PDE4D: variants seen among roughly 807,000 people sequenced by gnomAD.
The protein encoded by PDE4D is phosphodiesterase 4D, also known as 3',5'-cyclic-AMP phosphodiesterase 4D.
In PDE4D, 24 loss-of-function variants were observed where a neutral mutation model predicts 87.4. The observed-to-expected ratio is 0.27, with a 90% confidence interval of 0.20 to 0.39. The LOEUF (loss-of-function observed/expected upper bound fraction) is 0.39. Ranked by LOEUF, PDE4D falls within the 10% of genes least tolerant of loss-of-function variation. The pLI is 1.00. For missense variants in PDE4D, 714 were observed against 1,041.0 expected, an observed-to-expected ratio of 0.69 and a Z score of 4.32; for synonymous variants, 384 against 383.2, an observed-to-expected ratio of 1.00 and a Z score of -0.02.
At chr5:60,438,106 C>T (rs542446334) in intron 1 of PDE4D, among the ~76,000 whole-genome samples, 159 of 152,174 alleles carry the variant, frequency 1.0e-3, no homozygotes, top group Non-Finnish European at 2.0e-3. Context: ...AGATAGCATT[C>T]GTCTGTTCTG....
At chr5:60,495,924 T>C (rs568989060) in intron 1 of PDE4D, among the ~76,000 whole-genome samples, 1 of 152,328 alleles carries the variant, frequency 6.6e-6, no homozygotes, top group East Asian at 1.9e-4. Flanking sequence ...GCCTCAGACA[T>C]GGAAAGCAAA....
intron 5 of PDE4D, among the ~76,000 whole-genome samples, chr5:59,177,760 G>A (rs1784126367): frequency 6.6e-6 from 1 of 152,126 alleles, no homozygotes. Context: ...TAACTGTTAG[G>A]CTACACTGTT....
At chr5:60,132,385 G>A (rs1222832571) in intron 2 of PDE4D, among the ~76,000 whole-genome samples, 1 of 152,032 alleles carries the variant, frequency 6.6e-6, no homozygotes, top group African/African-American at 2.4e-5. Context: ...ATTCATTTAT[G>A]TATTACCGTA....
intron 1 of PDE4D, among the ~76,000 whole-genome samples, chr5:60,466,157 T>A (rs923536291): frequency 6.6e-6 from 1 of 152,156 alleles, no homozygotes; most frequent in Non-Finnish European, 1.5e-5. Context: ...CCAAAATGCA[T>A]CTACTAGGTT....
At chr5:59,575,275 T>C (rs1157159026) in intron 1 of PDE4D, among the ~76,000 whole-genome samples, 2 of 152,120 alleles carry the variant, frequency 1.3e-5, no homozygotes, top group African/African-American at 4.8e-5. Context: ...TGTACTGTGA[T>C]GAAAAGTAAT....
intron 1 of PDE4D, among the ~76,000 whole-genome samples, chr5:59,691,964 A>G (rs556653339): frequency 2.6e-5 from 4 of 152,232 alleles, no homozygotes; most frequent in African/African-American, 9.6e-5. Context: ...GTTTAGAAAC[A>G]AAACAACCTG....
At chr5:59,421,091 T>C (rs957110166) in intron 1 of PDE4D, among the ~76,000 whole-genome samples, 2 of 152,208 alleles carry the variant, frequency 1.3e-5, no homozygotes, top group East Asian at 1.9e-4. Context: ...CTGAAGTTTA[T>C]ACATTTTGTG....
chr5:59,954,271 C>G (rs1288090413), intron 3 of PDE4D, among the ~76,000 whole-genome samples: 1 of 152,106 alleles, frequency 6.6e-6, no homozygotes, highest in East Asian at 1.9e-4. Flanking sequence ...GATATGGTGA[C>G]AATTATTCTT....
intron 2 of PDE4D, among the ~76,000 whole-genome samples, chr5:60,004,354 T>C (rs1764281404): frequency 6.6e-6 from 1 of 152,162 alleles, no homozygotes; most frequent in Non-Finnish European, 1.5e-5. Context: ...GTCCTGCATA[T>C]AAAATAGCAT....
chr5:59,222,812 T>C (rs1401401802), intron 1 of PDE4D, among the ~76,000 whole-genome samples: 2 of 152,218 alleles, frequency 1.3e-5, no homozygotes, highest in Non-Finnish European at 2.9e-5. Context: ...CTTTCACTGC[T>C]GATAAAGATA....
chr5:60,367,513 T>A (rs901878601), intron 1 of PDE4D, among the ~76,000 whole-genome samples: 7 of 152,150 alleles, frequency 4.6e-5, no homozygotes, highest in African/African-American at 1.7e-4. Flanking sequence ...TTTTCTTTTT[T>A]TTCATCCTAA....
intron 1 of PDE4D, among the ~76,000 whole-genome samples, chr5:59,716,086 G>A (rs562049130): frequency 6.6e-6 from 1 of 152,320 alleles, no homozygotes; most frequent in East Asian, 1.9e-4. Flanking sequence ...TGGAGTGTAA[G>A]GAAAATGGAT....
At chr5:59,395,085 C>G (rs553872862) in intron 1 of PDE4D, among the ~76,000 whole-genome samples, 4 of 152,188 alleles carry the variant, frequency 2.6e-5, no homozygotes, top group Non-Finnish European at 5.9e-5. Context: ...GGTCCTACCC[C>G]ACGGAGTCTC....
intron 1 of PDE4D, among the ~76,000 whole-genome samples, chr5:59,447,630 T>C (rs1036261949): frequency 6.6e-6 from 1 of 152,236 alleles, no homozygotes; most frequent in African/African-American, 2.4e-5. Flanking sequence ...ACATTAGATA[T>C]AGCTTTGGGA....
At chr5:59,717,246 C>T (rs1184845479) in intron 1 of PDE4D, among the ~76,000 whole-genome samples, 4 of 152,164 alleles carry the variant, frequency 2.6e-5, no homozygotes, top group African/African-American at 9.7e-5. Flanking sequence ...ATCTGCAGGG[C>T]CTTGACCTGG....
chr5:59,735,230 T>C (rs1156409206), intron 1 of PDE4D, among the ~76,000 whole-genome samples: 1 of 152,210 alleles, frequency 6.6e-6, no homozygotes, highest in Non-Finnish European at 1.5e-5. Context: ...CTTAAAGCTG[T>C]GAATCTCTGC....
intron 1 of PDE4D, among the ~76,000 whole-genome samples, chr5:60,399,318 T>G (rs969004926): frequency 1.3e-5 from 2 of 152,156 alleles, no homozygotes; most frequent in African/African-American, 4.8e-5. Flanking sequence ...AATAAGGGGC[T>G]TAAAAGAATA....
At chr5:59,622,046 C>T (rs998719176) in intron 1 of PDE4D, among the ~76,000 whole-genome samples, 18 of 152,130 alleles carry the variant, frequency 1.2e-4, no homozygotes, top group African/African-American at 4.3e-4. Flanking sequence ...AAAATGACTT[C>T]TGGCTTCAGA....
chr5:60,030,726 G>T (rs771499830), intron 2 of PDE4D: 1 of 152,056 alleles, frequency 6.6e-6, no homozygotes. Context: ...TAACAAAATT[G>T]CACATATACC....
Sources: gnomAD v4.1 joint callset for allele counts (sites outside exome capture counted in the v4.1 genomes callset) on GRCh38, gnomAD v4.1.1 for gene constraint, MANE v1.5 for transcripts, NCBI Gene and HGNC (gene_info 2026-07-23, HGNC 2026-07-21) for gene names.